AKAP13: variants seen among roughly 807,000 people sequenced by gnomAD.
AKAP13 encodes the protein A-kinase anchor protein 13.
In AKAP13, 80 loss-of-function variants were observed where a neutral mutation model predicts 264.5. The observed-to-expected ratio is 0.30, with a 90% CI of 0.25 to 0.36. AKAP13 has a LOEUF of 0.36. AKAP13 is among the 10% of genes least tolerant of loss of function. The probability of loss-of-function intolerance (pLI) is 1.00; values close to 1 mark genes in which losing one functional copy is unlikely to be tolerated. For synonymous variants in AKAP13, 1,380 were observed against 1,250.2 expected (o/e 1.10, Z -2.19); for missense variants, 3,712 against 3,435.2 (o/e 1.08, Z -2.01).
intron 1 of AKAP13, among the ~76,000 whole-genome samples, chr15:85,458,623 A>G (rs553797127): frequency 1.7e-3 from 256 of 152,160 alleles, no homozygotes; most frequent in African/African-American, 5.8e-3. Context: ...TTTAATACCT[A>G]ATACGTATTA....
At chr15:85,541,981 C>T (rs2077592961) in intron 4 of AKAP13, among the ~76,000 whole-genome samples, 1 of 152,160 alleles carries the variant, frequency 6.6e-6, no homozygotes, top group South Asian at 2.1e-4. Context: ...AATAACAAAT[C>T]AGAAGAGTGG....
chr15:85,671,358 C>T (rs1254486591), intron 14 of AKAP13, among the ~76,000 whole-genome samples: 1 of 148,934 alleles, frequency 6.7e-6, no homozygotes, highest in Non-Finnish European at 1.5e-5. Context: ...ATCATGAGCC[C>T]AGGAGGTCAA....
At chr15:85,507,775 G>A (rs1426484460) in intron 2 of AKAP13, among the ~76,000 whole-genome samples, 5 of 152,162 alleles carry the variant, frequency 3.3e-5, no homozygotes, top group African/African-American at 4.8e-5. Flanking sequence ...CCAAAGCAGC[G>A]GCAAGTGGGA....
At chr15:85,713,115 A>G (rs777351951) in intron 19 of AKAP13, among the ~76,000 whole-genome samples, 8 of 152,222 alleles carry the variant, frequency 5.3e-5, no homozygotes, top group Non-Finnish European at 2.9e-5. Context: ...TTTCACTGCT[A>G]TGATCATCAC....
At chr15:85,524,495 T>A (rs1402893303) in intron 3 of AKAP13, among the ~76,000 whole-genome samples, 3 of 151,916 alleles carry the variant, frequency 2.0e-5, no homozygotes, top group African/African-American at 7.2e-5. Flanking sequence ...TTATTATTAT[T>A]TTTTTATTTT....
chr15:85,541,889 A>G (rs17631906), intron 4 of AKAP13, among the ~76,000 whole-genome samples: 18,984 of 152,274 alleles, frequency 0.12, 1,578 homozygotes, highest in Non-Finnish European at 0.19. Flanking sequence ...GATGTAGTGC[A>G]GAAGTCAGGG....
At chr15:85,399,528 AAAT>A (rs1567038680) in intron 1 of AKAP13, among the ~76,000 whole-genome samples, 25 of 112,402 alleles carry the variant, frequency 2.2e-4, no homozygotes, top group South Asian at 5.0e-4. Context: ...AAAAATAAAA[AAAT>A]AAAAAAATAA....
At chr15:85,646,032 C>T (rs1435020220) in intron 10 of AKAP13, 78 bp downstream of exon 10, 15 of 1,539,278 alleles carry the variant, frequency 9.7e-6, no homozygotes, top group Middle Eastern at 2.0e-4. Context: ...TCTTTTCCAA[C>T]TTTTTCCCCC....
chr15:85,567,352 C>T (rs1031322129), intron 5 of AKAP13, among the ~76,000 whole-genome samples: 3 of 151,962 alleles, frequency 2.0e-5, no homozygotes, highest in South Asian at 2.1e-4. Context: ...GTGATCCACC[C>T]ACCTCGGCCT....
At chr15:85,567,976 G>GTGTGTGTGTGTA in intron 5 of AKAP13, among the ~76,000 whole-genome samples, 1 of 144,490 alleles carries the variant, frequency 6.9e-6, no homozygotes, top group South Asian at 2.2e-4. Flanking sequence ...GTGTGTGTGT[G>GTGTGTGTGTGTA]TGTGTATTTT....
At chr15:85,520,222 A>G (rs1596404741) in intron 2 of AKAP13, among the ~76,000 whole-genome samples, 1 of 152,220 alleles carries the variant, frequency 6.6e-6, no homozygotes, top group East Asian at 1.9e-4. Context: ...GCGGCTGGGT[A>G]CGGTGGCTTA....
Position 85,528,716 on chromosome 15 carries a change from A to G in AKAP13, c.182-4868A>G, listed in dbSNP as rs528178934. ...CCCTACAGTTTACTCAGCTGGGAGC[A>G]GACTTCTCCCACCCCATAATTTATA... On this transcript the variant is annotated intron_variant, in intron 3 of 36. Transcript: ENST00000394518. Among the ~76,000 whole-genome samples, 4 of 152,306 alleles carry G rather than the reference A, an allele frequency of 2.6e-5. No homozygotes were observed. In the South Asian group the frequency reaches 8.3e-4, roughly 32 times the overall value.
At chr15:85,477,407 C>A (rs1234480258) in intron 1 of AKAP13, among the ~76,000 whole-genome samples, 1 of 151,838 alleles carries the variant, frequency 6.6e-6, no homozygotes, top group Non-Finnish European at 1.5e-5. Context: ...TTAAGAAACT[C>A]CAGAGGCTGG....
At chr15:85,610,702 G>A (rs1180146524) in intron 8 of AKAP13, among the ~76,000 whole-genome samples, 1 of 152,346 alleles carries the variant, frequency 6.6e-6, no homozygotes, top group African/African-American at 2.4e-5. Flanking sequence ...AGGGCCGGGC[G>A]TGGTGGCTCA....
chr15:85,495,876 A>T (rs1489215962), intron 2 of AKAP13, among the ~76,000 whole-genome samples: 4 of 152,326 alleles, frequency 2.6e-5, no homozygotes, highest in African/African-American at 7.2e-5. Context: ...GAAGAGCACC[A>T]TAAGAAAGAA....
chr15:85,555,494 G>A (rs1567122320), intron 5 of AKAP13: 2 of 1,275,648 alleles, frequency 1.6e-6, no homozygotes, highest in Non-Finnish European at 1.0e-6. Context: ...AGCCATGTGT[G>A]AGTATCAGCT....
chr15:85,507,041 G>T (rs964708557), intron 2 of AKAP13, among the ~76,000 whole-genome samples: 2 of 152,068 alleles, frequency 1.3e-5, no homozygotes, highest in Admixed American at 6.6e-5. Context: ...AGCCTTTGTA[G>T]TCTCCTCTGG....
chr15:85,405,653 A>T lies in AKAP13; in HGVS notation c.-12+24855A>T, dbSNP rs897047235. On this transcript the variant is annotated intron_variant, in intron 1 of 36. Transcript: ENST00000394518. The stretch of plus-strand genomic sequence containing the variant: ...AAGCTAGGATACTTATTGAGCTAGT[A>T]AGGGCAGGATCCAGAACTTCGGCCA... 5.3e-5 allele frequency among the ~76,000 whole-genome samples: 8 copies of T among 152,338 alleles called. 1 individual carries two copies. The South Asian group carries it at 1.7e-3, about 32-fold the overall frequency.
chr15:85,713,196 G>C (rs1013355532), intron 19 of AKAP13, among the ~76,000 whole-genome samples: 3 of 152,124 alleles, frequency 2.0e-5, no homozygotes, highest in South Asian at 2.1e-4. Flanking sequence ...AAGGAAAGCT[G>C]TTATTTTCTT....
Sources: allele counts gnomAD v4.1 joint callset (sites outside exome capture counted in the v4.1 genomes callset), GRCh38; gene constraint gnomAD v4.1.1; transcripts MANE v1.5; gene names NCBI Gene and HGNC (gene_info 2026-07-23, HGNC 2026-07-21).